Variants in JMJD1C observed in about 807,000 individuals in gnomAD.
JMJD1C encodes the protein jumonji domain-containing protein 1C.
In JMJD1C, 31 loss-of-function variants were observed where a neutral mutation model predicts 245.3. The observed-to-expected ratio is 0.13, with a 90% CI of 0.09 to 0.17. JMJD1C has a LOEUF of 0.17. Ranked by LOEUF, JMJD1C falls within the 10% of genes least tolerant of loss-of-function variation. The pLI is 1.00. For synonymous variants in JMJD1C, 1,057 were observed against 1,017.4 expected, an observed-to-expected ratio of 1.04 and a Z score of -0.74; for missense variants, 2,691 against 3,000.2, an observed-to-expected ratio of 0.90 and a Z score of 2.41.
In JMJD1C at chr10:63,310,179, T is replaced by C. The variant is rs370776772; in HGVS notation, c.334-45415A>G. ...AGACTCCAAACAAATGAGACATAAA[T>C]ACTATATTCATGGACGAAATGATTA... is the stretch of plus-strand genomic sequence containing the variant. On this transcript the variant is annotated intron_variant, in intron 2 of 25. Coordinates refer to ENST00000399262, the MANE Select transcript of JMJD1C (RefSeq NM_032776.3). 3.1e-4 allele frequency among the ~76,000 whole-genome samples: 47 copies of C among 152,288 alleles called. 1 individual carries two copies. In the South Asian group the frequency reaches 9.7e-3, roughly 32 times the overall value.
At chr10:63,327,430 A>G (rs934363527) in intron 2 of JMJD1C, among the ~76,000 whole-genome samples, 2 of 152,302 alleles carry the variant, frequency 1.3e-5, no homozygotes, top group African/African-American at 2.4e-5. Flanking sequence ...CATTATATGT[A>G]TATTTCCCCC....
chr10:63,510,935 C>T (rs1220126594), intron 1 of JMJD1C, among the ~76,000 whole-genome samples: 22 of 152,204 alleles, frequency 1.4e-4, no homozygotes, highest in Admixed American at 1.4e-3. Flanking sequence ...TTTGTCATTA[C>T]GTCCTATTTA....
chr10:63,293,172 A>G (rs1858984880), intron 2 of JMJD1C, among the ~76,000 whole-genome samples: 1 of 152,242 alleles, frequency 6.6e-6, no homozygotes, highest in Admixed American at 6.5e-5. Context: ...TTATTCTAGC[A>G]TCAGTCTCAA....
At chr10:63,492,372 T>C (rs561325556) in intron 1 of JMJD1C, among the ~76,000 whole-genome samples, 22 of 152,294 alleles carry the variant, frequency 1.4e-4, no homozygotes, top group African/African-American at 5.1e-4. Flanking sequence ...ATTTAAAAGA[T>C]TATAAAGAAA....
chr10:63,387,629 A>AAATTTTTT, intron 1 of JMJD1C, among the ~76,000 whole-genome samples: 3 of 37,840 alleles, frequency 7.9e-5, no homozygotes, highest in East Asian at 2.0e-3. Flanking sequence ...GAAAAAAAAA[A>AAATTTTTT]TTTTTTTTTT....
intron 1 of JMJD1C, chr10:63,427,949 G>A: frequency 1.4e-6 from 1 of 706,380 alleles, no homozygotes; most frequent in Non-Finnish European, 2.6e-6. Flanking sequence ...AGCAGTTTGT[G>A]TGGCCAGCTC....
At chr10:63,395,479 A>G (rs928372952) in intron 1 of JMJD1C, among the ~76,000 whole-genome samples, 10 of 152,196 alleles carry the variant, frequency 6.6e-5, no homozygotes, top group African/African-American at 2.4e-4. Flanking sequence ...CTCTGTCTCA[A>G]AAAAAAGAAT....
intron 3 of JMJD1C, chr10:63,222,767 A>T: frequency 6.7e-7 from 1 of 1,492,522 alleles, no homozygotes; most frequent in Non-Finnish European, 9.3e-7. Context: ...AACTGAAACT[A>T]ATTTGGAAGT....
At chr10:63,216,316 T>C (rs1847969853) in intron 5 of JMJD1C, among the ~76,000 whole-genome samples, 2 of 152,186 alleles carry the variant, frequency 1.3e-5, no homozygotes, top group Non-Finnish European at 2.9e-5. Flanking sequence ...AAGGTATAAA[T>C]ATCTATTTTT....
Position 63,207,985 on chromosome 10 carries a change from G to C in JMJD1C, c.3684C>G (p.Ser1228=), listed in dbSNP as rs1846856432. Reference sequence around the variant, plus strand: ...GCATCACCGGAGTTAAAGTTGGAGGGGAAAGACTACTATAGCTGCCTTCCT... The same window carrying C: ...GCATCACCGGAGTTAAAGTTGGAGGCGAAAGACTACTATAGCTGCCTTCCT... ...ERKEGSYSSL[S]PPTLTPVMPV... is the part of the protein sequence containing the mutation. Residue 1228 remains serine (S), a synonymous_variant, in exon 10 of 26, where the codon TCC becomes TCG. Coordinates refer to ENST00000399262, the MANE Select transcript of JMJD1C (RefSeq NM_032776.3). The C allele has an allele frequency of 6.2e-7, 1 of 1,614,124 alleles. No homozygotes were observed. Among genetic ancestry groups the C allele is most frequent in the East Asian group, 2.2e-5 (1 of 44,882 alleles).
intron 2 of JMJD1C, among the ~76,000 whole-genome samples, chr10:63,309,078 A>G (rs1424253831): frequency 6.6e-6 from 1 of 152,210 alleles, no homozygotes; most frequent in Non-Finnish European, 1.5e-5. Context: ...CAAACCATTC[A>G]AGAAAGACCA....
intron 1 of JMJD1C, among the ~76,000 whole-genome samples, chr10:63,413,193 A>G (rs1486347297): frequency 1.3e-5 from 2 of 152,174 alleles, no homozygotes; most frequent in East Asian, 1.9e-4. Context: ...GCGTATGTAT[A>G]TGTGTGTTAT....
chr10:63,196,973 T>C (rs1845533135), intron 13 of JMJD1C, among the ~76,000 whole-genome samples: 1 of 141,840 alleles, frequency 7.1e-6, no homozygotes, highest in Non-Finnish European at 1.5e-5. Context: ...ATTTTTTGTA[T>C]TTTTTTTTTG....
At chr10:63,270,802 C>G (rs939219853) in intron 2 of JMJD1C, among the ~76,000 whole-genome samples, 1 of 151,974 alleles carries the variant, frequency 6.6e-6, no homozygotes, top group Admixed American at 6.5e-5. Flanking sequence ...TGGAGACTTA[C>G]GTGATGATAT....
rs530978558 is a variant in JMJD1C at position 63,249,823 on chromosome 10, G to C, written c.447+14828C>G. On this transcript the variant is annotated intron_variant, in intron 3 of 25. Transcript: ENST00000399262. ...CGCACTGGGCCAAGATTGCACCACTGCATTCTAGCCTGGGCTACAGAGTGA... is the reference window on the plus strand; with the variant it reads ...CGCACTGGGCCAAGATTGCACCACTCCATTCTAGCCTGGGCTACAGAGTGA... Among the ~76,000 whole-genome samples, 8 of 151,290 alleles carry C rather than the reference G, an allele frequency of 5.3e-5. No homozygotes were observed. The South Asian group carries it at 1.5e-3, about 28-fold the overall frequency.
At chr10:63,343,593 A>C (rs1564811576) in intron 2 of JMJD1C, among the ~76,000 whole-genome samples, 1 of 152,174 alleles carries the variant, frequency 6.6e-6, no homozygotes, top group East Asian at 1.9e-4. Context: ...TATGAAACTA[A>C]AGTACAGTCA....
intron 1 of JMJD1C, among the ~76,000 whole-genome samples, chr10:63,430,404 T>A (rs1164770970): frequency 6.6e-6 from 1 of 152,218 alleles, no homozygotes; most frequent in African/African-American, 2.4e-5. Flanking sequence ...TTGCAAATCA[T>A]TATCTGATAA....
chr10:63,168,789 A>G (rs1004605054), intron 24 of JMJD1C, among the ~76,000 whole-genome samples: 3 of 152,248 alleles, frequency 2.0e-5, no homozygotes, highest in Admixed American at 2.0e-4. Context: ...TTTTTAAATG[A>G]TAAAAAGAAA....
At chr10:63,176,586 G>A (rs1374609238) in intron 23 of JMJD1C, 113 bp from the exon 24 acceptor site, 6 of 768,538 alleles carry the variant, frequency 7.8e-6, no homozygotes, top group African/African-American at 1.8e-5. Context: ...CAGAATCAAT[G>A]GAACAACTGA....
Sources: allele counts gnomAD v4.1 joint callset (sites outside exome capture counted in the v4.1 genomes callset), GRCh38; gene constraint gnomAD v4.1.1; transcripts MANE v1.5; gene names NCBI Gene and HGNC (gene_info 2026-07-23, HGNC 2026-07-21).